The following ADCY2 variants were observed in gnomAD, a reference collection of about 807,000 sequenced individuals.
ADCY2 encodes the protein adenylate cyclase 2, also known as adenylate cyclase type 2.
In ADCY2, 31 loss-of-function variants were observed where a neutral mutation model predicts 125.2. The ratio of observed to expected loss-of-function variants is 0.25; its 90% CI spans 0.19 to 0.33. The LOEUF is 0.33. Among genes scored for constraint, ADCY2 ranks in the 10% least tolerant of loss-of-function variants. The pLI, the probability that ADCY2 is intolerant of heterozygous loss-of-function variation, is 1.00. For missense variants in ADCY2, 904 were observed against 1,418.2 expected, an observed-to-expected ratio of 0.64 and a Z score of 5.82; for synonymous variants, 512 against 548.4, an observed-to-expected ratio of 0.93 and a Z score of 0.93.
In ADCY2 at chr5:7,504,571, T is replaced by C. The variant is rs188143067; in HGVS notation, c.409-16167T>C. On this transcript the variant is annotated intron_variant, in intron 2 of 24. Coordinates refer to ENST00000338316, the MANE Select transcript of ADCY2 (RefSeq NM_020546.3). ...CAGCAAGAAGTACCATTTTTTCTTA[T>C]CTTTGAAGTGATTTCTTTCTTTCTC... 2.0e-3 allele frequency among the ~76,000 whole-genome samples: 307 copies of C among 152,122 alleles called. 1 individual carries two copies. The highest frequency in any genetic ancestry group is 6.9e-3 in the African/African-American group (286 of 41,558).
intron 3 of ADCY2, among the ~76,000 whole-genome samples, chr5:7,588,893 G>A (rs375623909): frequency 1.9e-4 from 29 of 152,206 alleles, no homozygotes; most frequent in Middle Eastern, 3.4e-3. Flanking sequence ...AATACGACAC[G>A]TAAGTAAGGA....
chr5:7,536,784 G>A (rs1389449453), intron 3 of ADCY2, among the ~76,000 whole-genome samples: 4 of 151,676 alleles, frequency 2.6e-5, no homozygotes, highest in Non-Finnish European at 5.9e-5. Context: ...GGAGAACACA[G>A]GGACACAGGG....
At chr5:7,690,589 C>A in intron 4 of ADCY2, 102 bp from the exon 5 acceptor site, 1 of 1,114,992 alleles carries the variant, frequency 9.0e-7, no homozygotes, top group Non-Finnish European at 1.2e-6. Flanking sequence ...GAAAGAATTC[C>A]CAAACTGGCC....
At position 7,729,783 on chromosome 5, in the gene ADCY2, T is replaced by C. The variant is rs189575351; in HGVS notation, c.1871+2522T>C. 1.7e-3 allele frequency among the ~76,000 whole-genome samples: 251 copies of C among 148,792 alleles called. 2 individuals are homozygous for C. The highest frequency in any genetic ancestry group is 5.7e-3 in the African/African-American group (233 of 41,048). On this transcript the variant is annotated intron_variant, in intron 14 of 24. Coordinates refer to ENST00000338316, the MANE Select transcript of ADCY2 (RefSeq NM_020546.3). Reference sequence around the variant, plus strand: ...AATATACATCATGTATATCTTTCTTTTAGTGATTATCATTAAAATTTCAAT... The same window carrying C: ...AATATACATCATGTATATCTTTCTTCTAGTGATTATCATTAAAATTTCAAT...
intron 3 of ADCY2, among the ~76,000 whole-genome samples, chr5:7,531,455 A>T (rs558461136): frequency 6.6e-6 from 1 of 152,312 alleles, no homozygotes; most frequent in South Asian, 2.1e-4. Flanking sequence ...CTGCTCTAAC[A>T]AATTACTACA....
At chr5:7,558,338 G>T (rs1655823746) in intron 3 of ADCY2, among the ~76,000 whole-genome samples, 1 of 152,038 alleles carries the variant, frequency 6.6e-6, no homozygotes. Flanking sequence ...CAGGCACTTT[G>T]TGCCTGGCCT....
chr5:7,755,221 C>T (rs1742951786), intron 15 of ADCY2, among the ~76,000 whole-genome samples: 1 of 152,166 alleles, frequency 6.6e-6, no homozygotes, highest in Non-Finnish European at 1.5e-5. Context: ...CAGCTCTGGG[C>T]AGCCTGTGCG....
At chr5:7,431,038 A>G (rs138297431) in intron 2 of ADCY2, among the ~76,000 whole-genome samples, 2 of 152,148 alleles carry the variant, frequency 1.3e-5, no homozygotes, top group African/African-American at 2.4e-5. Flanking sequence ...AAGCTTTTTC[A>G]TAGAGAGTAG....
Position 7,431,060 on chromosome 5 carries a change from TA to T in ADCY2, c.408+16294del, listed in dbSNP as rs145696331. On this transcript the variant is annotated intron_variant, in intron 2 of 24. Transcript: ENST00000338316. ...TTCATAGAGAGTAGGAAGCTGGTTC[TA>T]AAATGTATATGGAAATGCAAAATAC... Among the ~76,000 whole-genome samples the T allele has an allele frequency of 4.4e-3, 667 of 152,298 alleles. 6 individuals carry two copies. Among genetic ancestry groups the T allele is most frequent in the African/African-American group, 0.016 (649 of 41,570 alleles).
chr5:7,762,724 G>C (rs879592937), intron 16 of ADCY2, among the ~76,000 whole-genome samples: 1 of 126,030 alleles, frequency 7.9e-6, no homozygotes, highest in Non-Finnish European at 1.8e-5. Flanking sequence ...GTTTTTCTCC[G>C]TATTTTTTTT....
At chr5:7,502,322 G>A (rs1743624319) in intron 2 of ADCY2, among the ~76,000 whole-genome samples, 2 of 152,260 alleles carry the variant, frequency 1.3e-5, no homozygotes, top group Admixed American at 6.5e-5. Flanking sequence ...CCACATATGA[G>A]GCCAGGGAGC....
chr5:7,817,199 C>T (rs180722355), intron 23 of ADCY2, among the ~76,000 whole-genome samples: 2 of 152,116 alleles, frequency 1.3e-5, no homozygotes, highest in East Asian at 3.9e-4. Context: ...GTCAAGGTCG[C>T]GTCTACAAAC....
At chr5:7,546,194 C>G (rs1735142997) in intron 3 of ADCY2, among the ~76,000 whole-genome samples, 1 of 152,190 alleles carries the variant, frequency 6.6e-6, no homozygotes. Flanking sequence ...CTTTACAAGA[C>G]AGAACAGAAA....
chr5:7,823,311 G>A (rs1473999931), intron 24 of ADCY2, among the ~76,000 whole-genome samples: 3 of 152,230 alleles, frequency 2.0e-5, no homozygotes, highest in African/African-American at 7.2e-5. Flanking sequence ...CTGCTCACGA[G>A]ATCAGACTTG....
At chr5:7,624,070 C>T (rs1738043246) in intron 3 of ADCY2, among the ~76,000 whole-genome samples, 1 of 152,170 alleles carries the variant, frequency 6.6e-6, no homozygotes, top group Admixed American at 6.5e-5. Context: ...GCCTTGAAGG[C>T]CCCTTCTAAT....
intron 15 of ADCY2, 101 bp from the exon 16 acceptor site, chr5:7,757,348 A>G: frequency 6.9e-7 from 1 of 1,446,066 alleles, no homozygotes; most frequent in Non-Finnish European, 9.4e-7. Context: ...TAGTCTATGA[A>G]CAATGTTGGT....
chr5:7,618,978 A>G (rs1364909374), intron 3 of ADCY2, among the ~76,000 whole-genome samples: 1 of 152,226 alleles, frequency 6.6e-6, no homozygotes, highest in Non-Finnish European at 1.5e-5. Flanking sequence ...GGGTTTGGGA[A>G]GACACAGAGA....
At chr5:7,502,475 C>G (rs1222804616) in intron 2 of ADCY2, among the ~76,000 whole-genome samples, 4 of 152,222 alleles carry the variant, frequency 2.6e-5, no homozygotes, top group Admixed American at 1.3e-4. Context: ...GACAGAGAGG[C>G]AGGCTTCAGG....
intron 22 of ADCY2, among the ~76,000 whole-genome samples, chr5:7,812,129 T>C (rs1744962760): frequency 6.6e-6 from 1 of 152,086 alleles, no homozygotes; most frequent in Admixed American, 6.5e-5. Context: ...GCCAGTGTCA[T>C]AGTAGTTAAG....
Sources: allele counts gnomAD v4.1 joint callset (sites outside exome capture counted in the v4.1 genomes callset), GRCh38; gene constraint gnomAD v4.1.1; transcripts MANE v1.5; gene names NCBI Gene and HGNC (gene_info 2026-07-23, HGNC 2026-07-21).